LAPTM4B: variants seen among roughly 807,000 people sequenced by gnomAD.
LAPTM4B encodes the protein lysosomal protein transmembrane 4 beta.
LAPTM4B carries 26 observed loss-of-function variants against 28.5 expected under a neutral mutation model. The ratio of observed to expected loss-of-function variants is 0.91; its 90% CI spans 0.67 to 1.27. The LOEUF is 1.27. Ranked by LOEUF, LAPTM4B falls within the 50% of genes most tolerant of loss-of-function variation. LAPTM4B has a pLI of 0.00. For synonymous variants in LAPTM4B, 109 were observed against 106.4 expected, an observed-to-expected ratio of 1.02 and a Z score of -0.15; for missense variants, 288 against 285.8, an observed-to-expected ratio of 1.01 and a Z score of -0.06.
chr8:97,843,077 C>T (rs560415488), intron 6 of LAPTM4B, among the ~76,000 whole-genome samples: 1 of 151,944 alleles, frequency 6.6e-6, no homozygotes, highest in South Asian at 2.1e-4. Flanking sequence ...GACAAGGTTT[C>T]ATTATCTTGG....
At chr8:97,782,958 AGACGG>A in intron 1 of LAPTM4B, among the ~76,000 whole-genome samples, 1 of 120,310 alleles carries the variant, frequency 8.3e-6, no homozygotes, top group South Asian at 2.7e-4. Context: ...TTTTTAGTAG[AGACGG>A]GGTTTCTCCA....
At chr8:97,808,377 G>C (rs191011314) in intron 2 of LAPTM4B, among the ~76,000 whole-genome samples, 155 of 151,966 alleles carry the variant, frequency 1.0e-3, no homozygotes, top group African/African-American at 3.6e-3. Flanking sequence ...AACCTGGGAG[G>C]GGGGAGTTTG....
At chr8:97,848,434 T>C (rs1402069345) in intron 6 of LAPTM4B, among the ~76,000 whole-genome samples, 1 of 151,270 alleles carries the variant, frequency 6.6e-6, no homozygotes, top group Non-Finnish European at 1.5e-5. Context: ...CTTATGTTAA[T>C]CTTCTGTGAA....
rs144073833 is a variant in LAPTM4B, at chr8:97,806,365, C to T, written c.211+901C>T. Among the ~76,000 whole-genome samples the T allele has an allele frequency of 1.9e-4, 29 of 152,192 alleles. No individual in the cohort carries two copies. The East Asian group carries it at 5.6e-3, about 29-fold the overall frequency. On this transcript the variant is annotated intron_variant, in intron 2 of 6. Coordinates refer to ENST00000521545, the MANE Select transcript of LAPTM4B (RefSeq NM_018407.6). ...CCTAGGCTGCACTGGGGATAGAGAACAGGGAAGGATTTGGCAACTTGCTGT... is the reference window on the plus strand; with the variant it reads ...CCTAGGCTGCACTGGGGATAGAGAATAGGGAAGGATTTGGCAACTTGCTGT...
intron 1 of LAPTM4B, among the ~76,000 whole-genome samples, chr8:97,792,745 G>A (rs1353255597): frequency 6.6e-6 from 1 of 151,652 alleles, no homozygotes; most frequent in Admixed American, 6.6e-5. Flanking sequence ...ACACGTGGCT[G>A]TTTTGTATTT....
chr8:97,780,008 G>A lies in LAPTM4B; in HGVS notation c.99+3900G>A, dbSNP rs570123239. Among the ~76,000 whole-genome samples the A allele has an allele frequency of 1.1e-4, 16 of 143,736 alleles. No homozygotes were observed. In the East Asian group the frequency reaches 2.2e-3, roughly 20 times the overall value. 94.3% of individuals were successfully genotyped at this position (143,736 alleles called of 152,430 possible). A position where few individuals can be genotyped will look rare whatever the true frequency, so the allele number is the denominator to read the frequency against. ...AGAGGTTGCCGTGAGCCGAGATCAC[G>A]CCACTGCACTCCAGCTTGGGCAACA... On this transcript the variant is annotated intron_variant, in intron 1 of 6. Coordinates refer to ENST00000521545, the MANE Select transcript of LAPTM4B (RefSeq NM_018407.6).
chr8:97,785,003 C>A (rs1448553148), intron 1 of LAPTM4B, among the ~76,000 whole-genome samples: 1 of 152,044 alleles, frequency 6.6e-6, no homozygotes, highest in Non-Finnish European at 1.5e-5. Context: ...GGTTTCCCCT[C>A]ATCTAATAAA....
intron 5 of LAPTM4B, among the ~76,000 whole-genome samples, chr8:97,820,327 G>A (rs13252134): frequency 0.45 from 61,330 of 136,508 alleles, 14,094 homozygotes; most frequent in East Asian, 0.57. Context: ...TTTTGAGGTA[G>A]GGTCTCTCCC....
chr8:97,799,816 C>G (rs1816643674), intron 1 of LAPTM4B, among the ~76,000 whole-genome samples: 2 of 152,188 alleles, frequency 1.3e-5, no homozygotes, highest in Non-Finnish European at 2.9e-5. Flanking sequence ...GTTCTATCCT[C>G]TAACATTTCC....
At chr8:97,814,483 C>T (rs779134920) in intron 2 of LAPTM4B, among the ~76,000 whole-genome samples, 5 of 151,724 alleles carry the variant, frequency 3.3e-5, no homozygotes, top group Non-Finnish European at 5.9e-5. Context: ...AATGTTGTCC[C>T]ACTGCATTCC....
chr8:97,776,384 C>T (rs1816216113), intron 1 of LAPTM4B, among the ~76,000 whole-genome samples: 1 of 152,242 alleles, frequency 6.6e-6, no homozygotes, highest in African/African-American at 2.4e-5. Flanking sequence ...TCGCCGATCT[C>T]CAGCCTCCGC....
At chr8:97,819,364 A>G (rs1816969330) in intron 5 of LAPTM4B, 126 bp downstream of exon 5, 2 of 610,934 alleles carry the variant, frequency 3.3e-6, no homozygotes, top group South Asian at 2.1e-5. Flanking sequence ...TTGATTTCCT[A>G]AGATTACAAT....
At chr8:97,820,008 C>T (rs998968740) in intron 5 of LAPTM4B, among the ~76,000 whole-genome samples, 3 of 152,134 alleles carry the variant, frequency 2.0e-5, no homozygotes, top group South Asian at 2.1e-4. Flanking sequence ...GCTGGGATTA[C>T]AGGCATGAGC....
rs1342648307 is a variant in LAPTM4B, at chr8:97,839,226, C to G, written c.604-12171C>G. Among the ~76,000 whole-genome samples the G allele has an allele frequency of 2.6e-5, 4 of 152,214 alleles. 1 individual carries two copies. The highest frequency in any genetic ancestry group is 9.6e-5 in the African/African-American group (4 of 41,526). The stretch of plus-strand genomic sequence containing the variant: ...TTGTTTTTGGTGAGATGGAGTTTTA[C>G]TCTTGTTGCCCAGGCTGGAGTGCAA... On this transcript the variant is annotated intron_variant, in intron 6 of 6. Transcript: ENST00000521545.
intron 6 of LAPTM4B, among the ~76,000 whole-genome samples, chr8:97,847,506 G>A (rs1294013854): frequency 1.3e-5 from 2 of 152,318 alleles, no homozygotes; most frequent in East Asian, 1.9e-4. Flanking sequence ...TTCCACAAAT[G>A]TCAAAATAAT....
chr8:97,829,048 CAGA>C (rs1817137727), intron 6 of LAPTM4B, among the ~76,000 whole-genome samples: 1 of 152,080 alleles, frequency 6.6e-6, no homozygotes, highest in African/African-American at 2.4e-5. Context: ...TTGAGGCAGG[CAGA>C]ACTGGAAATG....
intron 5 of LAPTM4B, among the ~76,000 whole-genome samples, chr8:97,819,766 G>A (rs568112272): frequency 8.0e-5 from 9 of 112,954 alleles, no homozygotes; most frequent in East Asian, 2.7e-4. Flanking sequence ...ATGGAGTCTC[G>A]CTCTGTCGCC....
In LAPTM4B at chr8:97,807,079, G is replaced by C. The variant is rs373173377; in HGVS notation, c.211+1615G>C. 1.2e-4 allele frequency among the ~76,000 whole-genome samples: 18 copies of C among 152,170 alleles called. No homozygotes were observed. The East Asian group carries it at 3.5e-3, about 29-fold the overall frequency. ...AAACCTCTTTTTCTTCCCAGTCTCG[G>C]GTATGTCTTTATCAGCAGCATGAAA... On this transcript the variant is annotated intron_variant, in intron 2 of 6. Transcript: ENST00000521545.
chr8:97,789,036 CTCTTTATT>C lies in LAPTM4B; in HGVS notation c.99+12930_99+12937del, dbSNP rs1328829739. ...GGAAAACATCTTCATTTGGTGCTCA[CTCTTTATT>C]TATTTATTTATTTATTTATTTATTT... On this transcript the variant is annotated intron_variant, in intron 1 of 6. Transcript: ENST00000521545. Among the ~76,000 whole-genome samples, 14 of 138,414 alleles carry C rather than the reference CTCTTTATT, an allele frequency of 1.0e-4. No homozygotes were observed. The East Asian group carries it at 2.1e-3, about 20-fold the overall frequency. The allele number at this position is 138,414 out of a possible 152,430, so 90.8% of individuals were successfully genotyped here.
Sources: allele counts gnomAD v4.1 joint callset (sites outside exome capture counted in the v4.1 genomes callset), GRCh38; gene constraint gnomAD v4.1.1; transcripts MANE v1.5; gene names NCBI Gene and HGNC (gene_info 2026-07-23, HGNC 2026-07-21).